The following TUBGCP3 variants were observed in gnomAD, a reference collection of about 807,000 sequenced individuals.
The protein encoded by TUBGCP3 is gamma-tubulin complex component 3.
In TUBGCP3, 50 loss-of-function variants were observed where a neutral mutation model predicts 123.1. The observed-to-expected ratio is 0.41, with a 90% CI of 0.32 to 0.51. The LOEUF (loss-of-function observed/expected upper bound fraction) is 0.51. Ranked by LOEUF, TUBGCP3 falls within the 20% of genes least tolerant of loss-of-function variation. The probability of loss-of-function intolerance (pLI) is 0.36; values close to 1 mark genes in which losing one functional copy is unlikely to be tolerated. For missense variants in TUBGCP3, 882 were observed against 1,127.0 expected, an observed-to-expected ratio of 0.78 and a Z score of 3.11; for synonymous variants, 405 against 413.9, an observed-to-expected ratio of 0.98 and a Z score of 0.26.
chr13:112,485,791 T>C lies in TUBGCP3; in HGVS notation c.*202A>G, dbSNP rs1879616290. On this transcript the variant is annotated 3_prime_UTR_variant, in exon 22 of 22. Coordinates refer to ENST00000261965, the MANE Select transcript of TUBGCP3 (RefSeq NM_006322.6). ...AACAGTGCAGCCAGCCTACTTGACT[T>C]AGGGATTTACAAATGCATTCGACTC... is the stretch of plus-strand genomic sequence containing the variant. The C allele has an allele frequency of 9.9e-6, 6 of 604,526 alleles. No individual in the cohort carries two copies. The East Asian group carries it at 1.7e-4, about 17-fold the overall frequency. The allele number at this position is 604,526 out of a possible 1,614,324, so 37.4% of individuals were successfully genotyped here. A position where few individuals can be genotyped will look rare whatever the true frequency, so the allele number is the denominator to read the frequency against.
chr13:112,592,090 C>T (rs1566601984), upstream of TUBGCP3, among the ~76,000 whole-genome samples: 1 of 152,156 alleles, frequency 6.6e-6, no homozygotes, highest in Non-Finnish European at 1.5e-5. The surrounding 1 kb of genome is among the most constrained non-coding windows in gnomAD (Gnocchi z 4.1). Flanking sequence ...GATGGAACAT[C>T]TGGACTCTGT....
At chr13:112,602,929 T>C in the TUBGCP3 span, 1 of 152,218 alleles carries the variant, frequency 6.6e-6, no homozygotes, top group African/African-American at 2.4e-5. Context: ...AAGATTACCA[T>C]GTAAATATTC....
intron 19 of TUBGCP3, among the ~76,000 whole-genome samples, chr13:112,499,389 G>A (rs1282833488): frequency 3.9e-5 from 6 of 152,148 alleles, no homozygotes; most frequent in African/African-American, 7.2e-5. Flanking sequence ...CCAGCAAAAC[G>A]TGACCATCCT....
Position 112,545,538 on chromosome 13 carries a change from C to A in TUBGCP3, c.1335+161G>T, listed in dbSNP as rs1878912819. 2 of 713,928 alleles carry A rather than the reference C, an allele frequency of 2.8e-6. No homozygotes were observed. The highest frequency in any genetic ancestry group is 4.5e-6 in the Non-Finnish European group (2 of 440,892). The allele number at this position is 713,928 out of a possible 1,614,324, so 44.2% of individuals were successfully genotyped here. A position where few individuals can be genotyped will look rare whatever the true frequency, so the allele number is the denominator to read the frequency against. ...CTTATCTGCTGTTCAGTGAGATAAC[C>A]AGCTGTCGAGGCACTGTGTAAAATG... is the stretch of plus-strand genomic sequence containing the variant. On this transcript the variant is annotated intron_variant, in intron 11 of 21. Transcript: ENST00000261965. This position sits in a 1 kb window ranked among gnomAD's most constrained non-coding sequence, Gnocchi z 4.1.
intron 2 of TUBGCP3, 72 bp downstream of exon 2, chr13:112,569,080 T>C: frequency 3.6e-6 from 5 of 1,400,748 alleles, no homozygotes; most frequent in South Asian, 2.4e-5. Flanking sequence ...CCTACACACA[T>C]GCATACATAC....
intron 11 of TUBGCP3, among the ~76,000 whole-genome samples, chr13:112,540,950 G>A (rs994752173): frequency 1.3e-5 from 2 of 152,156 alleles, no homozygotes; most frequent in East Asian, 1.9e-4. Flanking sequence ...ATGAACATTA[G>A]CCTTATACAT....
chr13:112,568,263 C>T (rs1272397109), intron 2 of TUBGCP3, among the ~76,000 whole-genome samples: 1 of 151,880 alleles, frequency 6.6e-6, no homozygotes, highest in Non-Finnish European at 1.5e-5. Flanking sequence ...ATTACTGAGA[C>T]CCAAGGCCAA....
rs186019180 is a variant in TUBGCP3 at position 112,522,564 on chromosome 13, G to A, written c.1556-55C>T. On this transcript the variant is annotated intron_variant, in intron 13 of 21. Transcript: ENST00000261965. ...TGCATATGTAATTTGTATTTCCACAGAGGAGAAATGAAGGCACATACATCC... is the reference window on the plus strand; with the variant it reads ...TGCATATGTAATTTGTATTTCCACAAAGGAGAAATGAAGGCACATACATCC... 154 of 1,540,762 alleles carry A rather than the reference G, an allele frequency of 1.0e-4. No individual in the cohort carries two copies. The Admixed American group carries it at 2.4e-3, about 24-fold the overall frequency.
At chr13:112,590,231 C>T (rs1201259119), upstream of TUBGCP3, among the ~76,000 whole-genome samples, 1 of 152,158 alleles carries the variant, frequency 6.6e-6, no homozygotes, top group Non-Finnish European at 1.5e-5. Context: ...CCGCCTCGGC[C>T]TCCCAAAGTG....
chr13:112,524,408 G>C lies in TUBGCP3; in HGVS notation c.1556-1899C>G, dbSNP rs1428896275. ...TCACACAAGCAGCAGCAACCTTCAT[G>C]GAGAGCCTCCGGCACAGCAGGCGCA... On this transcript the variant is annotated intron_variant, in intron 13 of 21. Coordinates refer to ENST00000261965, the MANE Select transcript of TUBGCP3 (RefSeq NM_006322.6). The surrounding 1 kb of genome is among the most constrained non-coding windows in gnomAD (Gnocchi z 4.4). Among the ~76,000 whole-genome samples the C allele has an allele frequency of 1.3e-5, 2 of 152,158 alleles. No homozygotes were observed. Among genetic ancestry groups the C allele is most frequent in the African/African-American group, 4.8e-5 (2 of 41,434 alleles).
intron 19 of TUBGCP3, among the ~76,000 whole-genome samples, chr13:112,499,466 C>T (rs1291271462): frequency 2.6e-5 from 4 of 152,192 alleles, no homozygotes; most frequent in African/African-American, 9.7e-5. Flanking sequence ...GAGCTCTCTG[C>T]AAATCACCTC....
upstream of TUBGCP3, among the ~76,000 whole-genome samples, chr13:112,588,564 C>T (rs1236146742): frequency 1.3e-5 from 2 of 152,178 alleles, no homozygotes; most frequent in Admixed American, 1.3e-4. Flanking sequence ...ATCCAACAGG[C>T]GCCCTGCTCA....
intron 16 of TUBGCP3, among the ~76,000 whole-genome samples, chr13:112,517,828 T>C (rs1192019996): frequency 6.6e-6 from 1 of 152,090 alleles, no homozygotes. Flanking sequence ...GAGGTGAAGG[T>C]TGCAGTGACC....
At position 112,545,770 on chromosome 13, in the gene TUBGCP3, C is replaced by T. The variant is rs1157793158; in HGVS notation, c.1264G>A (p.Val422Met). The part of the protein sequence containing the change: ...RSLVQHILSL[V>M]SHPVLSFLYR... ...AGGAAGCTCAAAACAGGATGAGACACGAGGCTGAGGATGTGCTGCACCAGA... is the reference window on the plus strand; with the variant it reads ...AGGAAGCTCAAAACAGGATGAGACATGAGGCTGAGGATGTGCTGCACCAGA... Residue 422 changes from valine (V) to methionine (M), a missense_variant, in exon 11 of 22, where the codon GTG (valine) becomes ATG (methionine). Coordinates refer to ENST00000261965, the MANE Select transcript of TUBGCP3 (RefSeq NM_006322.6). This position sits in a 1 kb window ranked among gnomAD's most constrained non-coding sequence, Gnocchi z 4.1. 1.9e-6 allele frequency: 3 copies of T among 1,614,050 alleles called. No individual in the cohort carries two copies. Among genetic ancestry groups the T allele is most frequent in the East Asian group, 2.2e-5 (1 of 44,896 alleles).
intron 1 of TUBGCP3, among the ~76,000 whole-genome samples, chr13:112,585,770 A>C (rs2139341458): frequency 6.6e-6 from 1 of 152,076 alleles, no homozygotes; most frequent in South Asian, 2.1e-4. Context: ...TCCATCTCAA[A>C]TAAATAAATA....
chr13:112,538,637 C>CT lies in TUBGCP3; in HGVS notation c.1335+7061dup, dbSNP rs367548632. Among the ~76,000 whole-genome samples the CT allele has an allele frequency of 1.5e-3, 235 of 152,134 alleles. 1 individual carries two copies. The highest frequency in any genetic ancestry group is 2.3e-3 in the Admixed American group (35 of 15,274). ...TTAACTCCAGAATTTCTATTTGGCT[C>CT]TTTTTTACAATTTCTATCTCTTTAT... On this transcript the variant is annotated intron_variant, in intron 11 of 21. Transcript: ENST00000261965.
the TUBGCP3 span, among the ~76,000 whole-genome samples, chr13:112,594,904 G>A: frequency 6.6e-6 from 1 of 152,132 alleles, no homozygotes; most frequent in Non-Finnish European, 1.5e-5. Context: ...TCTAGTGGGG[G>A]TAAGAGAAGA....
Position 112,508,972 on chromosome 13 carries a change from G to A in TUBGCP3, c.2087-4258C>T, listed in dbSNP as rs1410950267. On this transcript the variant is annotated intron_variant, in intron 17 of 21. Coordinates refer to ENST00000261965, the MANE Select transcript of TUBGCP3 (RefSeq NM_006322.6). The surrounding 1 kb of genome is among the most constrained non-coding windows in gnomAD (Gnocchi z 4.2). ...ACGGATTATTACAACTGGCTGCCCTGCTAATCACCACGGTCGCGCCCCAGG... is the reference window on the plus strand; with the variant it reads ...ACGGATTATTACAACTGGCTGCCCTACTAATCACCACGGTCGCGCCCCAGG... Among the ~76,000 whole-genome samples, 2 of 152,150 alleles carry A rather than the reference G, an allele frequency of 1.3e-5. No homozygotes were observed. Among genetic ancestry groups the A allele is most frequent in the East Asian group, 3.9e-4 (2 of 5,186 alleles).
chr13:112,508,437 TGTTA>T lies in TUBGCP3; in HGVS notation c.2087-3727_2087-3724del, dbSNP rs1471494836. Among the ~76,000 whole-genome samples, 1 of 152,164 alleles carries T rather than the reference TGTTA, an allele frequency of 6.6e-6. No individual in the cohort carries two copies. The highest frequency in any genetic ancestry group is 1.5e-5 in the Non-Finnish European group (1 of 68,034). On this transcript the variant is annotated intron_variant, in intron 17 of 21. Transcript: ENST00000261965. This position sits in a 1 kb window ranked among gnomAD's most constrained non-coding sequence, Gnocchi z 4.2. Reference sequence around the variant, plus strand: ...GCCATATGGCAGCCCAGAAGGGGCCTGTTAGTTGAAAAGGTATCGTGCACCACGA... The same window carrying T: ...GCCATATGGCAGCCCAGAAGGGGCCTGTTGAAAAGGTATCGTGCACCACGA...
Sources: allele counts gnomAD v4.1 joint callset (sites outside exome capture counted in the v4.1 genomes callset), GRCh38; gene constraint gnomAD v4.1.1; non-coding constraint Gnocchi (gnomAD v3.1); transcripts MANE v1.5; gene names NCBI Gene and HGNC (gene_info 2026-07-23, HGNC 2026-07-21).